Variants in FGFR3 observed in about 807,000 individuals in gnomAD.
The protein encoded by FGFR3 is FGFR-3.
FGFR3 carries 25 observed loss-of-function variants against 82.9 expected under a neutral mutation model. The observed-to-expected ratio is 0.30, with a 90% CI of 0.22 to 0.42. The LOEUF is 0.42. Ranked by LOEUF, FGFR3 falls within the 10% of genes least tolerant of loss-of-function variation. The pLI is 1.00. For missense variants in FGFR3, 1,026 were observed against 1,161.0 expected (o/e 0.88, Z 1.69); for synonymous variants, 620 against 516.0 (o/e 1.20, Z -2.73).
At chr4:1,806,453 G>T (rs1176762552) in intron 15 of FGFR3, 93 bp from the exon 16 acceptor site, 1 of 1,608,526 alleles carries the variant, frequency 6.2e-7, no homozygotes, top group Non-Finnish European at 8.5e-7. Context: ...CCTCCCTGGG[G>T]GCAGCAGCGC....
rs181098549 is a variant in FGFR3, at chr4:1,803,917, C to T, written c.1075+81C>T. 1.5e-5 allele frequency: 21 copies of T among 1,443,628 alleles called. 2 individuals carry two copies. Among genetic ancestry groups the T allele is most frequent in the South Asian group, 5.7e-5 (5 of 87,502 alleles). The allele number at this position is 1,443,628 out of a possible 1,614,324, so 89.4% of individuals were successfully genotyped here. On this transcript the variant is annotated intron_variant, in intron 8 of 17. Coordinates refer to ENST00000440486, the MANE Select transcript of FGFR3 (RefSeq NM_000142.5). The stretch of plus-strand genomic sequence containing the variant: ...GACACGCCAAAGCTGCCAGGACGGA[C>T]GGGAATCCTGTGACTTACGGCCGTC...
intron 8 of FGFR3, 99 bp downstream of exon 8, chr4:1,803,935 C>G: frequency 1.5e-6 from 2 of 1,315,732 alleles, no homozygotes; most frequent in Non-Finnish European, 2.2e-6. Context: ...CTGTGACTTA[C>G]GGCCGTCCCG....
chr4:1,801,933 G>A lies in FGFR3; in HGVS notation c.838G>A (p.Asp280Asn), dbSNP rs2108784251. ...GGAGTTCCACTGCAAGGTGTACAGTGACGCACAGCCCCACATCCAGTGGCT... is the reference window on the plus strand; with the variant it reads ...GGAGTTCCACTGCAAGGTGTACAGTAACGCACAGCCCCACATCCAGTGGCT... ...DVEFHCKVYS[D>N]AQPHIQWLKH... Residue 280 changes from aspartate (D) to asparagine (N), a missense_variant, in exon 7 of 18, where the codon GAC becomes AAC. Around this residue, in one of 9 missense-constraint regions of FGFR3, gnomAD observed 147 missense variants for 228.1 expected, o/e 0.64. Coordinates refer to ENST00000440486, the MANE Select transcript of FGFR3 (RefSeq NM_000142.5). 2.5e-6 allele frequency: 4 copies of A among 1,612,760 alleles called. No individual in the cohort carries two copies. The highest frequency in any genetic ancestry group is 3.4e-6 in the Non-Finnish European group (4 of 1,179,872).
At chr4:1,802,667 C>T (rs972046399) in intron 7 of FGFR3, among the ~76,000 whole-genome samples, 1 of 152,138 alleles carries the variant, frequency 6.6e-6, no homozygotes, top group African/African-American at 2.4e-5. Context: ...CTGCAAGAGC[C>T]CGGGGGAGGG....
In FGFR3 at chr4:1,793,338, C is replaced by T. The variant is rs893753402; in HGVS notation, c.-230C>T. 6.8e-6 allele frequency: 1 copy of T among 146,768 alleles called. No homozygotes were observed. Among genetic ancestry groups the T allele is most frequent in the East Asian group, 2.0e-4 (1 of 4,886 alleles). The allele number at this position is 146,768 out of a possible 1,614,324, so 9.1% of individuals were successfully genotyped here. On this transcript the variant is annotated 5_prime_UTR_variant, in exon 1 of 18. Coordinates refer to ENST00000440486, the MANE Select transcript of FGFR3 (RefSeq NM_000142.5). ...TCGCGGGCAGCTGGCGCCGCGCGGT[C>T]CTGCTCTGCCGGTCGCACGGACGCA... is the stretch of plus-strand genomic sequence containing the variant.
chr4:1,796,363 C>T (rs1720511605), intron 2 of FGFR3, among the ~76,000 whole-genome samples: 1 of 152,142 alleles, frequency 6.6e-6, no homozygotes. Flanking sequence ...TGTGAAACTC[C>T]AGGTGGGGAG....
intron 2 of FGFR3, among the ~76,000 whole-genome samples, chr4:1,798,250 G>A (rs974552252): frequency 1.3e-5 from 2 of 151,616 alleles, no homozygotes; most frequent in Non-Finnish European, 3.0e-5. Flanking sequence ...CCCCAGGGAG[G>A]GGCCAGGGCT....
At position 1,807,858 on chromosome 4, in the gene FGFR3, A is replaced by G; in HGVS notation, c.*596A>G. On this transcript the variant is annotated 3_prime_UTR_variant, in exon 18 of 18. Coordinates refer to ENST00000440486, the MANE Select transcript of FGFR3 (RefSeq NM_000142.5). ...ATGCAAAAGGTTTATTCCGGAAACT[A>G]GTGTACATTTCTATAAATAGATGCT... 4.7e-6 allele frequency: 2 copies of G among 429,076 alleles called. No individual in the cohort carries two copies. The highest frequency in any genetic ancestry group is 4.3e-5 in the South Asian group (2 of 46,528). 26.6% of individuals were successfully genotyped at this position (429,076 alleles called of 1,614,324 possible). A position where few individuals can be genotyped will look rare whatever the true frequency, so the allele number is the denominator to read the frequency against.
In FGFR3 at chr4:1,807,381, G is replaced by T. The variant is rs1356151674; in HGVS notation, c.*119G>T. The T allele has an allele frequency of 3.0e-6, 4 of 1,332,048 alleles. No homozygotes were observed. Among genetic ancestry groups the T allele is most frequent in the African/African-American group, 3.5e-5 (2 of 56,396 alleles). 82.5% of individuals were successfully genotyped at this position (1,332,048 alleles called of 1,614,324 possible). On this transcript the variant is annotated 3_prime_UTR_variant, in exon 18 of 18. Coordinates refer to ENST00000440486, the MANE Select transcript of FGFR3 (RefSeq NM_000142.5). ...GGAGAGACAGCTACACAGAGCTTTG[G>T]TCTGTGTGTGTGTGTGTGCGTGTGT...
chr4:1,803,230 G>T (rs529922019), intron 7 of FGFR3: 3 of 834,984 alleles, frequency 3.6e-6, no homozygotes, highest in African/African-American at 3.7e-5. Context: ...CACGGTGACC[G>T]CCCGCTTCGA....
chr4:1,801,885 A>T lies in FGFR3; in HGVS notation c.790A>T (p.Thr264Ser), dbSNP rs778283906. ...GCAGGCGGGGCTGCCGGCCAACCAG[A>T]CGGCGGTGCTGGGCAGCGACGTGGA... ...ILQAGLPANQ[T>S]AVLGSDVEFH... Residue 264 changes from threonine (T) to serine (S), a missense_variant, in exon 7 of 18, where the codon ACG becomes TCG. Thr to Ser is a moderately conservative substitution (Grantham distance 58). Coordinates refer to ENST00000440486, the MANE Select transcript of FGFR3 (RefSeq NM_000142.5). The T allele has an allele frequency of 6.2e-6, 10 of 1,610,240 alleles. No individual in the cohort carries two copies. The African/African-American group carries it at 9.4e-5, about 15-fold the overall frequency.
chr4:1,803,962 T>G, intron 8 of FGFR3, 126 bp downstream of exon 8: 1 of 1,142,252 alleles, frequency 8.8e-7, no homozygotes, highest in Non-Finnish European at 1.3e-6. Context: ...GAGCCCTCAC[T>G]CCTGGCCCTG....
chr4:1,805,093 T>A, intron 10 of FGFR3, 124 bp downstream of exon 10: 1 of 1,389,118 alleles, frequency 7.2e-7, no homozygotes, highest in Non-Finnish European at 9.6e-7. Flanking sequence ...TGGGTGTGGC[T>A]GGGGTTCTGT....
chr4:1,807,541 TG>T lies in FGFR3; in HGVS notation c.*285del. ...CTGCAGCACCGAGGGGCCTTTGTTC[TG>T]GGGGGACCCAGTGCAGAATGTAAGT... is the stretch of plus-strand genomic sequence containing the variant. On this transcript the variant is annotated 3_prime_UTR_variant, in exon 18 of 18. Coordinates refer to ENST00000440486, the MANE Select transcript of FGFR3 (RefSeq NM_000142.5). The T allele has an allele frequency of 5.6e-6, 4 of 711,490 alleles. No individual in the cohort carries two copies. The highest frequency in any genetic ancestry group is 2.7e-5 in the East Asian group (1 of 37,460). 44.1% of individuals were successfully genotyped at this position (711,490 alleles called of 1,614,324 possible). A position where few individuals can be genotyped will look rare whatever the true frequency, so the allele number is the denominator to read the frequency against.
intron 16 of FGFR3, 40 bp from the exon 17 acceptor site, chr4:1,806,789 G>T (rs768197393): frequency 1.3e-6 from 2 of 1,590,712 alleles, no homozygotes; most frequent in Non-Finnish European, 1.7e-6. Context: ...CGAATAAGGC[G>T]GGAAGCGGCG....
intron 17 of FGFR3, 44 bp downstream of exon 17, chr4:1,806,978 C>T (rs2108815641): frequency 1.3e-6 from 2 of 1,564,684 alleles, no homozygotes; most frequent in African/African-American, 1.4e-5. Flanking sequence ...TATGCCCCTC[C>T]CCCTGCCGTC....
In FGFR3 at chr4:1,794,037, G is replaced by C; in HGVS notation, c.103G>C (p.Ala35Pro). 1 of 1,406,710 alleles carries C rather than the reference G, an allele frequency of 7.1e-7. No individual in the cohort carries two copies. The highest frequency in any genetic ancestry group is 9.4e-7 in the Non-Finnish European group (1 of 1,068,126). 87.1% of individuals were successfully genotyped at this position (1,406,710 alleles called of 1,614,324 possible). A position where few individuals can be genotyped will look rare whatever the true frequency, so the allele number is the denominator to read the frequency against. The change falls in exon 2 of 18, where the codon GCG becomes CCG. Residue 35 changes from alanine to proline, a missense_variant. Coordinates refer to ENST00000440486, the MANE Select transcript of FGFR3 (RefSeq NM_000142.5). ...LGTEQRVVGR[A>P]AEVPGPEPGQ... ...GACGGAGCAGCGCGTCGTGGGGCGA[G>C]CGGCAGGTAAGAAGGGACCCACTAG...
rs1314205712 is a variant in FGFR3 at position 1,807,716 on chromosome 4, AC to A, written c.*456del. 1.1e-5 allele frequency: 7 copies of A among 611,994 alleles called. No homozygotes were observed. The highest frequency in any genetic ancestry group is 1.9e-5 in the Non-Finnish European group (6 of 318,390). 37.9% of individuals were successfully genotyped at this position (611,994 alleles called of 1,614,324 possible). A position where few individuals can be genotyped will look rare whatever the true frequency, so the allele number is the denominator to read the frequency against. Reference sequence around the variant, plus strand: ...TGCAGGGAAGCCCCACATGTCCAGCACCTTGTGCCTGGGGTGTTAGTGGCAC... The same window carrying A: ...TGCAGGGAAGCCCCACATGTCCAGCACTTGTGCCTGGGGTGTTAGTGGCAC... On this transcript the variant is annotated 3_prime_UTR_variant, in exon 18 of 18. Transcript: ENST00000440486.
At chr4:1,794,117 C>G (rs1030726612) in intron 2 of FGFR3, 74 bp downstream of exon 2, 4 of 917,470 alleles carry the variant, frequency 4.4e-6, no homozygotes, top group African/African-American at 3.5e-5. Flanking sequence ...GAACCGGCCC[C>G]GGGTCGGAGG....
Sources: gnomAD v4.1 joint callset for allele counts (sites outside exome capture counted in the v4.1 genomes callset) on GRCh38, gnomAD v4.1.1 for gene constraint, gnomAD v4.1.1 regional missense constraint, MANE v1.5 for transcripts, NCBI Gene and HGNC (gene_info 2026-07-23, HGNC 2026-07-21) for gene names.